The following RPTOR variants were observed in gnomAD, a reference collection of about 807,000 sequenced individuals.
RPTOR encodes the protein regulatory associated protein of MTOR complex 1.
Under a neutral mutation model 169.9 loss-of-function variants are expected in RPTOR, and 21 were observed. The observed-to-expected ratio is 0.12, with a 90% CI of 0.09 to 0.18. The LOEUF (loss-of-function observed/expected upper bound fraction) is 0.18, where lower values mean the gene tolerates loss of function less well. Among genes scored for constraint, RPTOR ranks in the 10% least tolerant of loss-of-function variants. RPTOR has a pLI of 1.00. For missense variants in RPTOR, 1,133 were observed against 1,855.9 expected (o/e 0.61, Z 7.16); for synonymous variants, 732 against 753.2 (o/e 0.97, Z 0.46).
At chr17:80,950,000 A>T (rs994325487) in intron 28 of RPTOR, among the ~76,000 whole-genome samples, 1 of 152,178 alleles carries the variant, frequency 6.6e-6, no homozygotes, top group African/African-American at 2.4e-5. Flanking sequence ...GGCTGGTGGG[A>T]CGGAGTGGCT....
chr17:80,780,059 G>A (rs2066925378), intron 6 of RPTOR, among the ~76,000 whole-genome samples: 1 of 152,150 alleles, frequency 6.6e-6, no homozygotes, highest in Non-Finnish European at 1.5e-5. Context: ...GCCTCTGGCT[G>A]GATTTCTGCT....
At chr17:80,677,471 A>T (rs1305076359) in intron 3 of RPTOR, among the ~76,000 whole-genome samples, 6 of 152,026 alleles carry the variant, frequency 3.9e-5, no homozygotes, top group African/African-American at 1.5e-4. Flanking sequence ...GGGAGGAAAA[A>T]TTGCTTTTGA....
chr17:80,736,860 G>A (rs769321371), intron 5 of RPTOR, among the ~76,000 whole-genome samples: 2 of 152,172 alleles, frequency 1.3e-5, no homozygotes, highest in Non-Finnish European at 2.9e-5. Context: ...ACTCACCGTC[G>A]TCATGGCATT....
chr17:80,779,307 A>G (rs532947440), intron 6 of RPTOR, among the ~76,000 whole-genome samples: 1 of 152,208 alleles, frequency 6.6e-6, no homozygotes, highest in Non-Finnish European at 1.5e-5. Flanking sequence ...CTGTCCTCCC[A>G]TTGTCTGGTG....
chr17:80,586,667 G>A lies in RPTOR; in HGVS notation c.163-39024G>A, dbSNP rs568032294. Among the ~76,000 whole-genome samples, 34 of 152,302 alleles carry A rather than the reference G, an allele frequency of 2.2e-4. 1 individual carries two copies. The highest frequency in any genetic ancestry group is 8.2e-4 in the African/African-American group (34 of 41,570). ...TCAGCTGCCAGGCGGGAACTGAAGA[G>A]CAGCCCCGGGCGCTGCAGCTTCCTG... On this transcript the variant is annotated intron_variant, in intron 1 of 33. Coordinates refer to ENST00000306801, the MANE Select transcript of RPTOR (RefSeq NM_020761.3).
At chr17:80,935,908 TAAG>T (rs1449869130) in intron 24 of RPTOR, among the ~76,000 whole-genome samples, 4 of 152,146 alleles carry the variant, frequency 2.6e-5, no homozygotes, top group East Asian at 1.9e-4. Context: ...TAAAGACAGT[TAAG>T]AAAATGAAAA....
intron 14 of RPTOR, among the ~76,000 whole-genome samples, chr17:80,881,215 CT>C (rs5822370): frequency 0.23 from 35,420 of 152,120 alleles, 4,354 homozygotes; most frequent in African/African-American, 0.3. Context: ...ATTTCACCCC[CT>C]AGTTGGTTTT....
intron 1 of RPTOR, among the ~76,000 whole-genome samples, chr17:80,577,801 G>A (rs915072263): frequency 3.3e-5 from 5 of 152,224 alleles, no homozygotes; most frequent in African/African-American, 1.2e-4. Flanking sequence ...TTCCTGGAGG[G>A]AGAGGGTGAA....
At chr17:80,807,579 T>C (rs2067231749) in intron 7 of RPTOR, among the ~76,000 whole-genome samples, 1 of 152,226 alleles carries the variant, frequency 6.6e-6, no homozygotes, top group Non-Finnish European at 1.5e-5. Flanking sequence ...CTTGAACTCC[T>C]GACCTCAGGT....
At position 80,730,518 on chromosome 17, in the gene RPTOR, C is replaced by A. The variant is rs1417510953; in HGVS notation, c.508-42C>A. The A allele has an allele frequency of 1.9e-6, 3 of 1,602,878 alleles. No individual in the cohort carries two copies. The East Asian group carries it at 6.7e-5, about 36-fold the overall frequency. On this transcript the variant is annotated intron_variant, in intron 4 of 33. Coordinates refer to ENST00000306801, the MANE Select transcript of RPTOR (RefSeq NM_020761.3). This position sits in a 1 kb window ranked among gnomAD's most constrained non-coding sequence, Gnocchi z 4.2. ...CAGTACTCACCAGCAGCCCATATTC[C>A]TGAGACGCACATGTAACGAGCGCAC...
intron 1 of RPTOR, among the ~76,000 whole-genome samples, chr17:80,613,382 TTCA>T (rs2065285120): frequency 6.6e-6 from 1 of 152,236 alleles, no homozygotes; most frequent in Non-Finnish European, 1.5e-5. Flanking sequence ...GCACATCTTG[TTCA>T]TCAGGGCACC....
intron 4 of RPTOR, among the ~76,000 whole-genome samples, chr17:80,710,599 G>T (rs1260255673): frequency 6.6e-6 from 1 of 151,856 alleles, no homozygotes; most frequent in African/African-American, 2.4e-5. Flanking sequence ...GTGTGTGTGT[G>T]TGTGTGTGTG....
intron 20 of RPTOR, among the ~76,000 whole-genome samples, chr17:80,906,465 G>A (rs921405481): frequency 5.3e-5 from 8 of 152,218 alleles, no homozygotes; most frequent in Non-Finnish European, 7.3e-5. Flanking sequence ...GTGCATCTGC[G>A]TGGCACCGTG....
At chr17:80,922,498 A>C (rs1312465129) in intron 21 of RPTOR, among the ~76,000 whole-genome samples, 1 of 152,204 alleles carries the variant, frequency 6.6e-6, no homozygotes, top group African/African-American at 2.4e-5. Context: ...CGGCCACGCC[A>C]GGGCTAGCCC....
At chr17:80,763,268 A>T (rs1256936413) in intron 6 of RPTOR, among the ~76,000 whole-genome samples, 7 of 152,280 alleles carry the variant, frequency 4.6e-5, no homozygotes, top group Non-Finnish European at 7.4e-5. Context: ...ATAATAATAA[A>T]AAATAAGAAC....
intron 9 of RPTOR, among the ~76,000 whole-genome samples, chr17:80,836,961 G>A (rs986134692): frequency 1.3e-5 from 2 of 152,096 alleles, no homozygotes; most frequent in East Asian, 1.9e-4. Flanking sequence ...TGGGGGTGTC[G>A]GTGAGCAGGT....
chr17:80,769,614 G>T (rs1402044800), intron 6 of RPTOR, among the ~76,000 whole-genome samples: 1 of 152,190 alleles, frequency 6.6e-6, no homozygotes, highest in Admixed American at 6.5e-5. Flanking sequence ...AGACAGAGGA[G>T]GGAGTAGGGA....
chr17:80,901,354 CCTT>C (rs901395389), intron 20 of RPTOR, among the ~76,000 whole-genome samples: 1 of 152,164 alleles, frequency 6.6e-6, no homozygotes, highest in African/African-American at 2.4e-5. Flanking sequence ...ATTCCACCAT[CCTT>C]CTTATACAAT....
In RPTOR at chr17:80,960,098, C is replaced by G; in HGVS notation, c.3498C>G (p.Asp1166Glu). ...TCTAGGACATCCCTACGGGCGCAGA[C>G]AGCTGTGTGACGAGTCTGTCCTGTG... The part of the protein sequence containing the change: ...MKVQDIPTGA[D>E]SCVTSLSCDS... The change falls in exon 30 of 34, where the codon GAC becomes GAG. Residue 1166 changes from aspartate (D) to glutamate (E), a missense_variant. Asp to Glu is a conservative substitution (Grantham distance 45). This residue lies in a region of RPTOR where 410 missense variants were observed against 623.7 expected (regional missense o/e 0.66). Coordinates refer to ENST00000306801, the MANE Select transcript of RPTOR (RefSeq NM_020761.3). The surrounding 1 kb of genome is among the most constrained non-coding windows in gnomAD (Gnocchi z 4.8). The G allele has an allele frequency of 6.2e-7, 1 of 1,613,658 alleles. No homozygotes were observed. Among genetic ancestry groups the G allele is most frequent in the Non-Finnish European group, 8.5e-7 (1 of 1,179,998 alleles).
Sources: gnomAD v4.1 joint callset for allele counts (sites outside exome capture counted in the v4.1 genomes callset) on GRCh38, gnomAD v4.1.1 for gene constraint, gnomAD v4.1.1 regional missense constraint, Gnocchi (gnomAD v3.1) non-coding constraint, MANE v1.5 for transcripts, NCBI Gene and HGNC (gene_info 2026-07-23, HGNC 2026-07-21) for gene names.